Variants in BRCA1 observed in about 807,000 individuals in gnomAD.
BRCA1 encodes breast cancer type 1 susceptibility protein.
In BRCA1, 140 loss-of-function variants were observed where a neutral mutation model predicts 173.7. The observed-to-expected ratio is 0.81, with a 90% confidence interval of 0.70 to 0.93. The LOEUF (loss-of-function observed/expected upper bound fraction) is 0.93, where lower values mean the gene tolerates loss of function less well. Ranked by LOEUF, BRCA1 falls within the 40% of genes least tolerant of loss-of-function variation. BRCA1 has a pLI of 0.00. For synonymous variants in BRCA1, 662 were observed against 756.0 expected (o/e 0.88, Z 2.04); for missense variants, 1,983 against 2,172.5 (o/e 0.91, Z 1.73).
At chr17:43,071,350 G>A (rs2052437399) in intron 14 of BRCA1, 112 bp from the exon 15 acceptor site, 1 of 1,215,202 alleles carries the variant, frequency 8.2e-7, no homozygotes, top group African/African-American at 1.5e-5. Flanking sequence ...GAGAAAAATG[G>A]GTACATGAAT....
chr17:43,123,061 A>C (rs1259389876), intron 2 of BRCA1, among the ~76,000 whole-genome samples: 1 of 131,714 alleles, frequency 7.6e-6, no homozygotes, highest in Non-Finnish European at 1.7e-5. Flanking sequence ...CATCTCAAAA[A>C]AAGAAAAAAA....
At position 43,094,344 on chromosome 17, in the gene BRCA1, T is replaced by A. The variant is rs1555592280; in HGVS notation, c.1187A>T (p.Asp396Val). ...FSRSDELLGS[D>V]DSHDGESESN... is the part of the protein sequence containing the mutation. ...TTCAGACTCCCCATCATGTGAGTCA[T>A]CAGAACCTAACAGTTCATCACTTCT... Residue 396 changes from aspartate (D) to valine (V), a missense_variant, in exon 10 of 23, where the codon GAT becomes GTT. Transcript: ENST00000357654. 1.2e-6 allele frequency: 2 copies of A among 1,614,148 alleles called. No individual in the cohort carries two copies. The highest frequency in any genetic ancestry group is 1.7e-6 in the Non-Finnish European group (2 of 1,180,006).
intron 1 of BRCA1, among the ~76,000 whole-genome samples, chr17:43,137,450 T>C (rs1212988012): frequency 6.7e-6 from 1 of 149,274 alleles, no homozygotes; most frequent in East Asian, 1.9e-4. Context: ...AAAAAAAGAA[T>C]AAAAGAGGTC....
At chr17:43,096,227 A>G (rs1299330415) in intron 8 of BRCA1, among the ~76,000 whole-genome samples, 1 of 151,760 alleles carries the variant, frequency 6.6e-6, no homozygotes, top group Admixed American at 6.6e-5. Flanking sequence ...AAATACAAAA[A>G]TTAGCCGGGT....
intron 18 of BRCA1, among the ~76,000 whole-genome samples, chr17:43,058,019 CAAAAAAAAAAA>C (rs68106056): frequency 2.9e-5 from 1 of 34,496 alleles, no homozygotes; most frequent in Middle Eastern, 0.023. Flanking sequence ...AACTCTGTCT[CAAAAAAAAAAA>C]AAAAAAAAAA....
rs2050995166 is a variant in BRCA1, at chr17:43,047,701, A to C, written c.5409T>G (p.Gly1803=). ...KELSSFTLGT[G]VHPIVVVQPD... ...GCTGCACAACCACAATTGGGTGGAC[A>C]CCCTGGATCCCCAGGAAGGAAAGAG... is the stretch of plus-strand genomic sequence containing the variant. Residue 1803 remains glycine (G), a splice_region_variant and synonymous_variant, in exon 22 of 23, where the codon GGT becomes GGG. Transcript: ENST00000357654. 1 of 1,614,156 alleles carries C rather than the reference A, an allele frequency of 6.2e-7. No homozygotes were observed. The highest frequency in any genetic ancestry group is 1.3e-5 in the African/African-American group (1 of 75,056).
intron 1 of BRCA1, among the ~76,000 whole-genome samples, chr17:43,143,928 A>T (rs1488855672): frequency 2.0e-5 from 3 of 152,004 alleles, no homozygotes; most frequent in Admixed American, 6.6e-5. Flanking sequence ...AATAAATTAT[A>T]AAAAAAACCA....
Position 43,100,679 on chromosome 17 carries a change from ATAT to A in BRCA1, c.442-802_442-800del, listed in dbSNP as rs1567807770. Among the ~76,000 whole-genome samples the A allele has an allele frequency of 4.7e-3, 40 of 8,426 alleles. 4 individuals are homozygous for A. Among genetic ancestry groups the A allele is most frequent in the African/African-American group, 0.027 (39 of 1,442 alleles). 5.5% of individuals were successfully genotyped at this position (8,426 alleles called of 152,430 possible). A position where few individuals can be genotyped will look rare whatever the true frequency, so the allele number is the denominator to read the frequency against. ...TAACATATATATATATATATATATA[ATAT>A]ATATATATATATATATATATGTAAT... On this transcript the variant is annotated intron_variant, in intron 6 of 22. Transcript: ENST00000357654.
chr17:43,106,809 T>C lies in BRCA1; in HGVS notation c.135-276A>G, dbSNP rs8176127. Among the ~76,000 whole-genome samples, 1,319 of 152,342 alleles carry C rather than the reference T, an allele frequency of 8.7e-3. 9 individuals carry two copies. Among genetic ancestry groups the C allele is most frequent in the Middle Eastern group, 0.02 (6 of 294 alleles). ...ACATAAAACTTAATAAAAGTTAATA[T>C]GGCATATTTAATGATATATTCATAA... On this transcript the variant is annotated intron_variant, in intron 3 of 22. Coordinates refer to ENST00000357654, the MANE Select transcript of BRCA1 (RefSeq NM_007294.4).
At position 43,109,490 on chromosome 17, in the gene BRCA1, G is replaced by A. The variant is rs1000947581; in HGVS notation, c.135-2957C>T. Among the ~76,000 whole-genome samples, 8 of 152,112 alleles carry A rather than the reference G, an allele frequency of 5.3e-5. No individual in the cohort carries two copies. The East Asian group carries it at 5.8e-4, about 11-fold the overall frequency. On this transcript the variant is annotated intron_variant, in intron 3 of 22. Transcript: ENST00000357654. ...GAGAAAGTGAATGTAGGTAGGTAAG[G>A]TCAAGGAGACTTGGGTCCTTCTTCG...
intron 1 of BRCA1, among the ~76,000 whole-genome samples, chr17:43,131,781 C>T (rs1244832630): frequency 6.6e-6 from 1 of 151,142 alleles, no homozygotes; most frequent in Admixed American, 6.6e-5. Flanking sequence ...TCTTTCTTTG[C>T]TTTGCTTTTC....
chr17:43,078,353 G>A (rs2052837581), intron 12 of BRCA1, among the ~76,000 whole-genome samples: 1 of 152,182 alleles, frequency 6.6e-6, no homozygotes, highest in Non-Finnish European at 1.5e-5. Flanking sequence ...ACAAAGTGCT[G>A]GGATTATAGG....
At chr17:43,113,314 C>T (rs2055123366) in intron 3 of BRCA1, among the ~76,000 whole-genome samples, 1 of 152,154 alleles carries the variant, frequency 6.6e-6, no homozygotes. Flanking sequence ...CCTTTTCTAA[C>T]ACAACTCCTA....
rs760877199 is a variant in BRCA1 at position 43,092,761 on chromosome 17, T to C, written c.2770A>G (p.Asn924Asp). ...ACCACAGGAAAGCCTGCAGTGATAT[T>C]AACTGTCTGTACAGGCTTGATATTA... is the stretch of plus-strand genomic sequence containing the variant. ...ESNIKPVQTVNITAGFPVVGQ... is the reference protein window; with the variant it reads ...ESNIKPVQTVDITAGFPVVGQ... Residue 924 changes from asparagine (N) to aspartate (D), a missense_variant, in exon 10 of 23, where the codon AAT (asparagine) becomes GAT (aspartate). Physicochemically the swap from Asn to Asp is conservative, Grantham distance 23 (BLOSUM62 1). Transcript: ENST00000357654. 1 of 1,614,082 alleles carries C rather than the reference T, an allele frequency of 6.2e-7. No individual in the cohort carries two copies. Among genetic ancestry groups the C allele is most frequent in the Non-Finnish European group, 8.5e-7 (1 of 1,179,988 alleles).
chr17:43,113,881 C>G (rs2055147285), intron 3 of BRCA1, among the ~76,000 whole-genome samples: 1 of 152,084 alleles, frequency 6.6e-6, no homozygotes, highest in African/African-American at 2.4e-5. Context: ...TGAGAGCAGC[C>G]TGGCCAACAT....
At chr17:43,111,837 AAAAC>A (rs914237371) in intron 3 of BRCA1, among the ~76,000 whole-genome samples, 66 of 152,210 alleles carry the variant, frequency 4.3e-4, no homozygotes, top group South Asian at 1.5e-3. Flanking sequence ...AAAACAAACA[AAAAC>A]AAACAAACAA....
chr17:43,094,542 T>C lies in BRCA1; in HGVS notation c.989A>G (p.Asp330Gly), dbSNP rs1282699332. 6.2e-7 allele frequency: 1 copy of C among 1,614,084 alleles called. No homozygotes were observed. Among genetic ancestry groups the C allele is most frequent in the Non-Finnish European group, 8.5e-7 (1 of 1,180,048 alleles). Residue 330 changes from aspartate to glycine, a missense_variant, in exon 10 of 23, where the codon GAT (aspartate) becomes GGT (glycine). Transcript: ENST00000357654. ...TTTTTCTGTGCTGGGAGTCCGCCTA[T>C]CATTACATGTTTCCTTACTTCCAGC... The part of the protein sequence containing the change: ...RWAGSKETCN[D>G]RRTPSTEKKV...
At position 43,045,142 on chromosome 17, in the gene BRCA1, T is replaced by C. The variant is rs530929756; in HGVS notation, c.*536A>G. On this transcript the variant is annotated 3_prime_UTR_variant, in exon 23 of 23. Transcript: ENST00000357654. ...TTCATTTCTAATACCTGCCTCAGAA[T>C]TTCCTCCCCAATGTTCCACTCCAAC... The C allele has an allele frequency of 6.2e-5, 33 of 534,842 alleles. No individual in the cohort carries two copies. The highest frequency in any genetic ancestry group is 5.6e-4 in the African/African-American group (30 of 53,984). 33.1% of individuals were successfully genotyped at this position (534,842 alleles called of 1,614,324 possible). A position where few individuals can be genotyped will look rare whatever the true frequency, so the allele number is the denominator to read the frequency against.
chr17:43,123,021 C>T (rs1311845965), intron 2 of BRCA1, among the ~76,000 whole-genome samples: 1 of 151,452 alleles, frequency 6.6e-6, no homozygotes, highest in African/African-American at 2.4e-5. Flanking sequence ...CGCGCCACTG[C>T]ACTCCAGCCT....
Sources: gnomAD v4.1 joint callset for allele counts (sites outside exome capture counted in the v4.1 genomes callset) on GRCh38, gnomAD v4.1.1 for gene constraint, MANE v1.5 for transcripts, NCBI Gene and HGNC (gene_info 2026-07-23, HGNC 2026-07-21) for gene names.